The following PPP3CC variants were observed in gnomAD, a reference collection of about 807,000 sequenced individuals.
The protein encoded by PPP3CC is protein phosphatase 3 catalytic subunit gamma.
PPP3CC carries 35 observed loss-of-function variants against 60.3 expected under a neutral mutation model. The ratio of observed to expected loss-of-function variants is 0.58; its 90% confidence interval spans 0.44 to 0.77. PPP3CC has a LOEUF of 0.77. PPP3CC is among the 30% of genes least tolerant of loss of function. PPP3CC has a pLI of 0.00. For missense variants in PPP3CC, 570 were observed against 628.9 expected (o/e 0.91, Z 1.00); for synonymous variants, 206 against 224.3 (o/e 0.92, Z 0.73).
intron 6 of PPP3CC, among the ~76,000 whole-genome samples, chr8:22,514,869 G>A (rs1839200758): frequency 6.6e-6 from 1 of 151,148 alleles, no homozygotes; most frequent in South Asian, 2.1e-4. Flanking sequence ...TTAGAGATGG[G>A]GTTTCACCAT....
intron 1 of PPP3CC, among the ~76,000 whole-genome samples, chr8:22,469,000 C>T (rs1385931221): frequency 6.6e-6 from 1 of 152,152 alleles, no homozygotes; most frequent in East Asian, 1.9e-4. Flanking sequence ...AGCAATCGCA[C>T]TACTGAGTAT....
At chr8:22,454,734 A>G (rs934267911) in intron 1 of PPP3CC, among the ~76,000 whole-genome samples, 7 of 152,182 alleles carry the variant, frequency 4.6e-5, no homozygotes, top group African/African-American at 1.4e-4. Context: ...AAATATTGCT[A>G]TGTGGCACAT....
chr8:22,531,939 GCTCTAC>G (rs1839727126), intron 10 of PPP3CC, among the ~76,000 whole-genome samples: 1 of 152,154 alleles, frequency 6.6e-6, no homozygotes, highest in African/African-American at 2.4e-5. Context: ...TCTTTGCTGT[GCTCTAC>G]GTTTCACAAC....
intron 4 of PPP3CC, 47 bp from the exon 5 acceptor site, chr8:22,511,039 G>C (rs530636551): frequency 1.9e-6 from 3 of 1,585,352 alleles, no homozygotes; most frequent in Non-Finnish European, 2.6e-6. Flanking sequence ...TTTTTCAAAT[G>C]TGATACGTTT....
At chr8:22,508,204 A>G (rs968445325) in intron 4 of PPP3CC, among the ~76,000 whole-genome samples, 5 of 152,156 alleles carry the variant, frequency 3.3e-5, no homozygotes, top group African/African-American at 4.8e-5. Flanking sequence ...ACAGTGAGCT[A>G]TGATTGCACT....
chr8:22,537,560 A>G (rs997390510), intron 12 of PPP3CC, among the ~76,000 whole-genome samples: 1 of 152,226 alleles, frequency 6.6e-6, no homozygotes, highest in African/African-American at 2.4e-5. Context: ...TCATAGCTAC[A>G]TACCCCACAA....
intron 3 of PPP3CC, among the ~76,000 whole-genome samples, chr8:22,491,862 A>G (rs1186274787): frequency 3.3e-5 from 5 of 152,186 alleles, no homozygotes; most frequent in African/African-American, 7.2e-5. Flanking sequence ...ATTTTCCCAT[A>G]TATTCTTGGA....
intron 1 of PPP3CC, among the ~76,000 whole-genome samples, chr8:22,465,206 C>G (rs932983947): frequency 2.6e-5 from 4 of 152,104 alleles, no homozygotes; most frequent in Non-Finnish European, 5.9e-5. Context: ...AGCATTCTGC[C>G]TGGCTCAGCC....
intron 8 of PPP3CC, among the ~76,000 whole-genome samples, chr8:22,526,862 A>C (rs1839574008): frequency 6.6e-6 from 1 of 152,228 alleles, no homozygotes; most frequent in African/African-American, 2.4e-5. Context: ...GAGATGACTT[A>C]ATCTAATTTT....
At chr8:22,512,095 A>G (rs924729761) in intron 5 of PPP3CC, among the ~76,000 whole-genome samples, 6 of 152,146 alleles carry the variant, frequency 3.9e-5, no homozygotes, top group African/African-American at 1.4e-4. Context: ...TATCTTCTCT[A>G]CCTTTGAATT....
chr8:22,522,822 A>T (rs766248181), intron 8 of PPP3CC, 73 bp downstream of exon 8: 10 of 1,086,038 alleles, frequency 9.2e-6, no homozygotes, highest in Non-Finnish European at 1.2e-5. Flanking sequence ...GTATGTACGT[A>T]TGTGTGTTTG....
intron 1 of PPP3CC, among the ~76,000 whole-genome samples, chr8:22,442,304 G>A (rs769518497): frequency 6.6e-6 from 1 of 152,182 alleles, no homozygotes; most frequent in Non-Finnish European, 1.5e-5. Flanking sequence ...TGTAAGAAGG[G>A]AATAGACTTA....
rs1014587844 is a variant in PPP3CC, at chr8:22,519,745, C to T, written c.771-2746C>T. 4.6e-5 allele frequency among the ~76,000 whole-genome samples: 7 copies of T among 152,284 alleles called. 1 individual carries two copies. Among genetic ancestry groups the T allele is most frequent in the South Asian group, 2.1e-4 (1 of 4,824 alleles). On this transcript the variant is annotated intron_variant, in intron 6 of 13. Coordinates refer to ENST00000240139, the MANE Select transcript of PPP3CC (RefSeq NM_005605.5). Reference sequence around the variant, plus strand: ...TCTTGGCTCACTGCAGCCTCTGCCTCCCGGGTTCAAGTGATTCTCCTACCT... The same window carrying T: ...TCTTGGCTCACTGCAGCCTCTGCCTTCCGGGTTCAAGTGATTCTCCTACCT...
At chr8:22,471,544 G>T (rs1283771928) in intron 1 of PPP3CC, among the ~76,000 whole-genome samples, 1 of 152,090 alleles carries the variant, frequency 6.6e-6, no homozygotes, top group Non-Finnish European at 1.5e-5. Context: ...TGTACAGCAG[G>T]TTACTGTACT....
chr8:22,539,043 C>G (rs1839904081), intron 12 of PPP3CC, among the ~76,000 whole-genome samples: 1 of 151,918 alleles, frequency 6.6e-6, no homozygotes, highest in Non-Finnish European at 1.5e-5. Flanking sequence ...CACTTGAGAG[C>G]AGTAAGATGT....
At chr8:22,484,002 T>G (rs1048989126) in intron 3 of PPP3CC, among the ~76,000 whole-genome samples, 5 of 151,014 alleles carry the variant, frequency 3.3e-5, no homozygotes, top group African/African-American at 1.2e-4. Flanking sequence ...CTACCACACT[T>G]GGCTAATTTT....
chr8:22,468,250 C>G (rs914303542), intron 1 of PPP3CC, among the ~76,000 whole-genome samples: 9 of 152,156 alleles, frequency 5.9e-5, no homozygotes, highest in Admixed American at 1.3e-4. Context: ...ATTACAGGCG[C>G]CCGCTACCAC....
chr8:22,463,554 G>C (rs1021121547), intron 1 of PPP3CC, among the ~76,000 whole-genome samples: 1 of 152,194 alleles, frequency 6.6e-6, no homozygotes, highest in Non-Finnish European at 1.5e-5. Flanking sequence ...GAATGGAAGG[G>C]AGTGGAATCT....
intron 10 of PPP3CC, among the ~76,000 whole-genome samples, chr8:22,530,067 A>G (rs80283064): frequency 0.016 from 2,463 of 152,262 alleles, 64 homozygotes; most frequent in African/African-American, 0.057. Context: ...TTGGGAATCT[A>G]GAGGAAATTA....
Sources: allele counts gnomAD v4.1 joint callset (sites outside exome capture counted in the v4.1 genomes callset), GRCh38; gene constraint gnomAD v4.1.1; transcripts MANE v1.5; gene names NCBI Gene and HGNC (gene_info 2026-07-23, HGNC 2026-07-21).